Variants in JKAMP observed in about 807,000 individuals in gnomAD.
JKAMP encodes the protein JNK1/MAPK8-associated membrane protein.
A neutral mutation model predicts 40.2 loss-of-function variants in JKAMP; 20 were observed. The observed-to-expected ratio is 0.50, with a 90% CI of 0.35 to 0.72. JKAMP has a LOEUF of 0.72. Ranked by LOEUF, JKAMP falls within the 30% of genes least tolerant of loss-of-function variation. The pLI is 0.01. For synonymous variants in JKAMP, 138 were observed against 131.6 expected, an observed-to-expected ratio of 1.05 and a Z score of -0.33; for missense variants, 276 against 373.0, an observed-to-expected ratio of 0.74 and a Z score of 2.14.
chr14:59,502,819 T>G (rs1365131788), intron 6 of JKAMP, among the ~76,000 whole-genome samples: 3 of 131,472 alleles, frequency 2.3e-5, no homozygotes, highest in Non-Finnish European at 4.8e-5. Flanking sequence ...TGGTGCAGTC[T>G]TGGCTCACTG....
intron 3 of JKAMP, among the ~76,000 whole-genome samples, chr14:59,493,704 G>A (rs938302983): frequency 2.0e-5 from 3 of 152,098 alleles, no homozygotes; most frequent in African/African-American, 7.2e-5. Flanking sequence ...AAGTTACATA[G>A]GATTTATCTG....
chr14:59,487,640 T>C, intron 2 of JKAMP, 34 bp from the exon 3 acceptor site: 6 of 1,536,856 alleles, frequency 3.9e-6, no homozygotes, highest in African/African-American at 2.7e-5. Flanking sequence ...TAAAATAATA[T>C]CTGTACACAA....
Position 59,499,849 on chromosome 14 carries a change from A to G in JKAMP, c.640+941A>G, listed in dbSNP as rs556536421. Among the ~76,000 whole-genome samples, 5 of 152,326 alleles carry G rather than the reference A, an allele frequency of 3.3e-5. No homozygotes were observed. The East Asian group carries it at 5.8e-4, about 18-fold the overall frequency. ...GCCTGCACAGGATTTGAAAATCTAT[A>G]GTTCCCTCTAGCTCCTCTATTTCCC... On this transcript the variant is annotated intron_variant, in intron 5 of 6. Coordinates refer to ENST00000616435, the MANE Select transcript of JKAMP (RefSeq NM_016475.5).
intron 4 of JKAMP, among the ~76,000 whole-genome samples, chr14:59,496,325 C>T (rs948507305): frequency 6.6e-6 from 1 of 151,142 alleles, no homozygotes; most frequent in African/African-American, 2.4e-5. Flanking sequence ...TTCATTGATT[C>T]GTAGAGCTTA....
At chr14:59,488,310 A>T (rs1251200056) in intron 3 of JKAMP, among the ~76,000 whole-genome samples, 1 of 152,178 alleles carries the variant, frequency 6.6e-6, no homozygotes, top group Non-Finnish European at 1.5e-5. Context: ...AAAATAACTG[A>T]CATGGCTTAT....
chr14:59,498,418 GTTT>G (rs1891606951), intron 4 of JKAMP, among the ~76,000 whole-genome samples: 1 of 152,106 alleles, frequency 6.6e-6, no homozygotes, highest in Non-Finnish European at 1.5e-5. Context: ...TGTACAGTAG[GTTT>G]TTTTATGTAT....
intron 4 of JKAMP, 125 bp downstream of exon 4, chr14:59,495,349 A>AT: frequency 1.5e-6 from 1 of 654,256 alleles, no homozygotes; most frequent in Admixed American, 2.8e-5. Flanking sequence ...CAGCGGCTTT[A>AT]TTACCTTGAA....
At chr14:59,488,176 A>G (rs929612340) in intron 3 of JKAMP, among the ~76,000 whole-genome samples, 7 of 151,954 alleles carry the variant, frequency 4.6e-5, no homozygotes, top group African/African-American at 1.5e-4. Flanking sequence ...CTAATAATCT[A>G]GTATGATGTA....
At chr14:59,487,979 A>G (rs1481823590) in intron 3 of JKAMP, among the ~76,000 whole-genome samples, 151 bp downstream of exon 3, 1 of 152,186 alleles carries the variant, frequency 6.6e-6, no homozygotes, top group African/African-American at 2.4e-5. Flanking sequence ...GTGACAAGAA[A>G]ACTTAACAAT....
intron 3 of JKAMP, among the ~76,000 whole-genome samples, chr14:59,488,426 A>G (rs1890746695): frequency 6.6e-6 from 1 of 152,178 alleles, no homozygotes. Context: ...CAAAGAACAG[A>G]GAGATAAATT....
intron 1 of JKAMP, among the ~76,000 whole-genome samples, chr14:59,486,335 C>T (rs1004689832): frequency 6.6e-6 from 1 of 152,122 alleles, no homozygotes; most frequent in Admixed American, 6.5e-5. Context: ...CCTGACTGGG[C>T]AAAATACAAG....
chr14:59,492,016 CTG>C (rs1891053180), intron 3 of JKAMP, among the ~76,000 whole-genome samples: 2 of 152,132 alleles, frequency 1.3e-5, no homozygotes, highest in African/African-American at 4.8e-5. Context: ...GCCTCATAGT[CTG>C]TGGTTACTAA....
At chr14:59,498,578 T>A (rs1891620509) in intron 4 of JKAMP, 149 bp from the exon 5 acceptor site, 2 of 505,630 alleles carry the variant, frequency 4.0e-6, no homozygotes. Flanking sequence ...ACAGCCTGTT[T>A]GGCCAGCTTT....
rs773198214 is a variant in JKAMP at position 59,503,850 on chromosome 14, A to G, written c.718-4A>G. On this transcript the variant is annotated splice_region_variant and splice_polypyrimidine_tract_variant and intron_variant, in intron 6 of 6. Transcript: ENST00000616435. ...TCTTTTCTTTCTTTTACAAAATTAT[A>G]TAGAACTGCTATGATCTTCTGGTCA... The G allele has an allele frequency of 3.8e-6, 6 of 1,592,144 alleles. No individual in the cohort carries two copies. In the African/African-American group the frequency reaches 6.7e-5, roughly 18 times the overall value.
At chr14:59,499,178 C>T (rs917829398) in intron 5 of JKAMP, among the ~76,000 whole-genome samples, 4 of 151,616 alleles carry the variant, frequency 2.6e-5, no homozygotes, top group Non-Finnish European at 5.9e-5. Flanking sequence ...CATGTGCCAC[C>T]ACACCCAGCT....
intron 3 of JKAMP, among the ~76,000 whole-genome samples, chr14:59,494,603 A>G (rs1033983765): frequency 3.9e-5 from 6 of 152,242 alleles, no homozygotes; most frequent in Admixed American, 6.5e-5. Flanking sequence ...AGACAGAGGT[A>G]TGGATGGGGA....
At chr14:59,499,761 C>T (rs1285718008) in intron 5 of JKAMP, among the ~76,000 whole-genome samples, 4 of 152,134 alleles carry the variant, frequency 2.6e-5, no homozygotes, top group East Asian at 1.9e-4. Context: ...GAGGGTAAGA[C>T]CAAGGGAACC....
chr14:59,493,554 G>C (rs1367079371), intron 3 of JKAMP, among the ~76,000 whole-genome samples: 3 of 152,142 alleles, frequency 2.0e-5, no homozygotes, highest in Admixed American at 6.5e-5. Flanking sequence ...TGTTCAAGTA[G>C]AAAACTCAAA....
intron 6 of JKAMP, among the ~76,000 whole-genome samples, chr14:59,502,755 T>TGTTTTTTTTTTTTTTG (rs67189643): frequency 8.1e-5 from 10 of 122,952 alleles, no homozygotes; most frequent in Admixed American, 7.1e-4. Context: ...ATGAGATTTT[T>TGTTTTTTTTTTTTTTG]TTTTTTTTTT....
Sources: gnomAD v4.1 joint callset for allele counts (sites outside exome capture counted in the v4.1 genomes callset) on GRCh38, gnomAD v4.1.1 for gene constraint, MANE v1.5 for transcripts, NCBI Gene and HGNC (gene_info 2026-07-23, HGNC 2026-07-21) for gene names.